Variants in TUNAR observed in about 807,000 individuals in gnomAD.
TUNAR encodes protein TUNAR.
At chr14:95,893,304 T>C (rs1422169104) in intron 2 of TUNAR, among the ~76,000 whole-genome samples, 1 of 152,026 alleles carries the variant, frequency 6.6e-6, no homozygotes, top group Non-Finnish European at 1.5e-5. Flanking sequence ...AGGATGGGAA[T>C]CCAGGGTTTC....
At chr14:95,902,630 A>T (rs879610378) in intron 2 of TUNAR, among the ~76,000 whole-genome samples, 1 of 152,168 alleles carries the variant, frequency 6.6e-6, no homozygotes, top group Non-Finnish European at 1.5e-5. Flanking sequence ...CCCCAGGGGC[A>T]TTTGGAAATG....
intron 2 of TUNAR, among the ~76,000 whole-genome samples, chr14:95,917,720 T>G (rs979271964): frequency 3.3e-5 from 5 of 152,226 alleles, no homozygotes; most frequent in Admixed American, 2.6e-4. Context: ...TCACACATCT[T>G]TATTAGATTT....
chr14:95,893,237 A>G (rs1889209896), intron 2 of TUNAR, among the ~76,000 whole-genome samples: 1 of 152,012 alleles, frequency 6.6e-6, no homozygotes, highest in African/African-American at 2.4e-5. Flanking sequence ...GGGATCTTGG[A>G]AAAGAGGAAG....
chr14:95,904,914 A>G (rs1889406961), intron 2 of TUNAR, among the ~76,000 whole-genome samples: 1 of 152,162 alleles, frequency 6.6e-6, no homozygotes, highest in South Asian at 2.1e-4. Flanking sequence ...TCTGTAACCA[A>G]AGACTGTCCC....
chr14:95,907,815 G>GA (rs1889449854), intron 2 of TUNAR, among the ~76,000 whole-genome samples: 1 of 152,168 alleles, frequency 6.6e-6, no homozygotes, highest in African/African-American at 2.4e-5. Context: ...CTTTGCAGCT[G>GA]AGTCTCAACA....
chr14:95,903,933 G>C (rs1889393218), intron 2 of TUNAR, among the ~76,000 whole-genome samples: 1 of 152,234 alleles, frequency 6.6e-6, no homozygotes, highest in Non-Finnish European at 1.5e-5. Flanking sequence ...ATGGCAGCCA[G>C]CTTCCCAAGA....
At chr14:95,918,665 C>G (rs1278299184) in intron 2 of TUNAR, among the ~76,000 whole-genome samples, 1 of 152,190 alleles carries the variant, frequency 6.6e-6, no homozygotes, top group Non-Finnish European at 1.5e-5. Flanking sequence ...GTAAACACAG[C>G]TGACCTGATT....
Position 95,909,023 on chromosome 14 carries a change from TCA to T in TUNAR, c.13-13757_13-13756del, listed in dbSNP as rs1353812271. ...TCTCTGCTGTTGAAGCATCCTTTCC[TCA>T]GAGATACCTGATGACTTGGGTTCCT... On this transcript the variant is annotated intron_variant, in intron 2 of 2. Coordinates refer to ENST00000678517, the Ensembl canonical transcript of TUNAR. Among the ~76,000 whole-genome samples, 6 of 152,180 alleles carry T rather than the reference TCA, an allele frequency of 3.9e-5. No individual in the cohort carries two copies. The East Asian group carries it at 1.2e-3, about 29-fold the overall frequency.
exon 3 of TUNAR, chr14:95,924,122 G>A (rs1595128974): frequency 2.0e-5 from 3 of 152,200 alleles, no homozygotes; most frequent in Admixed American, 6.5e-5. Context: ...GAAAGCTCGG[G>A]ATTAGGTGCA....
chr14:95,923,655 A>G (rs1889735717), exon 3 of TUNAR: 1 of 152,140 alleles, frequency 6.6e-6, no homozygotes, highest in Non-Finnish European at 1.5e-5. Flanking sequence ...CCCCAACTAC[A>G]GATGTTCTGT....
intron 2 of TUNAR, among the ~76,000 whole-genome samples, chr14:95,916,593 C>T (rs1471753490): frequency 1.3e-5 from 2 of 152,222 alleles, no homozygotes; most frequent in Non-Finnish European, 2.9e-5. Context: ...ATGCTCTTAT[C>T]CATGTACCCT....
intron 2 of TUNAR, among the ~76,000 whole-genome samples, chr14:95,904,524 G>A (rs1282834254): frequency 1.3e-5 from 2 of 152,192 alleles, no homozygotes; most frequent in African/African-American, 4.8e-5. Context: ...AGGTATGAAA[G>A]TCAACAGCCC....
intron 2 of TUNAR, among the ~76,000 whole-genome samples, chr14:95,904,029 G>A (rs898754124): frequency 5.3e-5 from 8 of 152,366 alleles, no homozygotes; most frequent in African/African-American, 1.9e-4. Flanking sequence ...CCAAGGGGAG[G>A]GAACATGGAC....
In TUNAR at chr14:95,909,563, G is replaced by A. The variant is rs537193976; in HGVS notation, c.13-13218G>A. Among the ~76,000 whole-genome samples the A allele has an allele frequency of 2.0e-5, 3 of 152,216 alleles. No individual in the cohort carries two copies. The South Asian group carries it at 6.2e-4, about 32-fold the overall frequency. Reference sequence around the variant, plus strand: ...CCCGCAAAGTGCTGGGATTACAGGCGTGAGCCACCGTGCCCGGCCGCTGCC... The same window carrying A: ...CCCGCAAAGTGCTGGGATTACAGGCATGAGCCACCGTGCCCGGCCGCTGCC... On this transcript the variant is annotated intron_variant, in intron 2 of 2. Coordinates refer to ENST00000678517, the Ensembl canonical transcript of TUNAR.
intron 2 of TUNAR, among the ~76,000 whole-genome samples, chr14:95,888,646 G>A (rs1351429101): frequency 6.6e-6 from 1 of 152,164 alleles, no homozygotes; most frequent in Non-Finnish European, 1.5e-5. Flanking sequence ...CTGCCTACCT[G>A]TAGTCTAGGG....
intron 2 of TUNAR, among the ~76,000 whole-genome samples, chr14:95,885,683 TGCTAGATTA>T (rs1889065110): frequency 1.3e-5 from 2 of 152,082 alleles, no homozygotes; most frequent in African/African-American, 4.8e-5. Context: ...GGGTCTTGAA[TGCTAGATTA>T]AGGAGGGTTC....
At chr14:95,900,661 A>G (rs1889338515) in intron 2 of TUNAR, among the ~76,000 whole-genome samples, 1 of 152,268 alleles carries the variant, frequency 6.6e-6, no homozygotes, top group African/African-American at 2.4e-5. Context: ...CTGGTTGCAT[A>G]GTAAGCCTTA....
At chr14:95,909,240 G>C (rs1889474230) in intron 2 of TUNAR, among the ~76,000 whole-genome samples, 1 of 151,904 alleles carries the variant, frequency 6.6e-6, no homozygotes, top group Non-Finnish European at 1.5e-5. Flanking sequence ...TCAGACTTCA[G>C]GGGGAGAAAG....
At chr14:95,887,829 TTC>T (rs1889103628) in intron 2 of TUNAR, among the ~76,000 whole-genome samples, 1 of 152,102 alleles carries the variant, frequency 6.6e-6, no homozygotes, top group Non-Finnish European at 1.5e-5. Context: ...AATGTATGAG[TTC>T]TGTGTGGTTA....
Sources: gnomAD v4.1 joint callset for allele counts (sites outside exome capture counted in the v4.1 genomes callset) on GRCh38, gnomAD v4.1.1 for gene constraint, MANE v1.5 for transcripts, NCBI Gene and HGNC (gene_info 2026-07-23, HGNC 2026-07-21) for gene names.